SNAP91: variants seen among roughly 807,000 people sequenced by gnomAD.
The protein encoded by SNAP91 is clathrin coat assembly protein AP180.
Under a neutral mutation model 100.3 loss-of-function variants are expected in SNAP91, and 27 were observed. The observed-to-expected ratio is 0.27, with a 90% CI of 0.20 to 0.37. The LOEUF is 0.37. Ranked by LOEUF, SNAP91 falls within the 10% of genes least tolerant of loss-of-function variation. The pLI is 1.00. For synonymous variants in SNAP91, 404 were observed against 398.6 expected (o/e 1.01, Z -0.16); for missense variants, 986 against 1,123.7 (o/e 0.88, Z 1.75).
At chr6:83,615,259 GA>G (rs2096412821) in intron 10 of SNAP91, among the ~76,000 whole-genome samples, 1 of 152,178 alleles carries the variant, frequency 6.6e-6, no homozygotes, top group African/African-American at 2.4e-5. Context: ...AAAAACAAGG[GA>G]AGGGTGTGGC....
intron 3 of SNAP91, among the ~76,000 whole-genome samples, chr6:83,663,008 T>G (rs2098590142): frequency 1.3e-5 from 2 of 152,166 alleles, no homozygotes; most frequent in South Asian, 4.1e-4. Context: ...TTTTTCATTA[T>G]TATTATATCT....
chr6:83,644,972 A>G (rs2097857961), intron 7 of SNAP91, among the ~76,000 whole-genome samples: 1 of 152,156 alleles, frequency 6.6e-6, no homozygotes, highest in Admixed American at 6.6e-5. Flanking sequence ...AGCATCTGGG[A>G]GTGGTTCTAA....
At chr6:83,617,779 A>G (rs2096559271) in intron 9 of SNAP91, among the ~76,000 whole-genome samples, 1 of 151,848 alleles carries the variant, frequency 6.6e-6, no homozygotes, top group East Asian at 1.9e-4. Context: ...AAGGAGAAAT[A>G]ATAGGTTCAC....
At chr6:83,682,658 G>A (rs1258709541) in intron 2 of SNAP91, among the ~76,000 whole-genome samples, 3 of 151,652 alleles carry the variant, frequency 2.0e-5, no homozygotes, top group Admixed American at 6.6e-5. Context: ...ATGTATACAT[G>A]TGCCATGCTG....
At chr6:83,657,763 A>T (rs2098441734) in intron 6 of SNAP91, among the ~76,000 whole-genome samples, 1 of 102,952 alleles carries the variant, frequency 9.7e-6, no homozygotes, top group African/African-American at 3.7e-5. Context: ...CATGAATCAG[A>T]TTTCAGATTT....
At chr6:83,568,203 G>A (rs2127990810) in intron 26 of SNAP91, among the ~76,000 whole-genome samples, 1 of 152,212 alleles carries the variant, frequency 6.6e-6, no homozygotes, top group South Asian at 2.1e-4. Context: ...TAGGGACATG[G>A]ATGAAGCTGG....
In SNAP91 at chr6:83,594,458, C is replaced by T; in HGVS notation, c.1348G>A (p.Glu450Lys). 1 of 1,525,758 alleles carries T rather than the reference C, an allele frequency of 6.6e-7. No homozygotes were observed. The highest frequency in any genetic ancestry group is 1.3e-5 in the South Asian group (1 of 79,384). 94.5% of individuals were successfully genotyped at this position (1,525,758 alleles called of 1,614,324 possible). A position where few individuals can be genotyped will look rare whatever the true frequency, so the allele number is the denominator to read the frequency against. ...FGDAFAASPG[E>K]APAASEGAAA... ...GCCCCTTCGGATGCTGCAGGGGCCTCCCCAGGAGAAGCTGCAAAGGCATCT... is the reference window on the plus strand; with the variant it reads ...GCCCCTTCGGATGCTGCAGGGGCCTTCCCAGGAGAAGCTGCAAAGGCATCT... The change falls in exon 17 of 30, where the codon GAG becomes AAG. Residue 450 changes from glutamate (E) to lysine (K), a missense_variant. Physicochemically the swap from Glu to Lys is moderately conservative, Grantham distance 56. Transcript: ENST00000369694.
chr6:83,556,646 A>G (rs1185618352), intron 28 of SNAP91, among the ~76,000 whole-genome samples: 1 of 152,210 alleles, frequency 6.6e-6, no homozygotes, highest in Non-Finnish European at 1.5e-5. Flanking sequence ...CTAGTAACAT[A>G]AAGATATTAT....
chr6:83,687,354 G>T (rs2099073994), intron 2 of SNAP91, among the ~76,000 whole-genome samples: 2 of 151,946 alleles, frequency 1.3e-5, no homozygotes, highest in South Asian at 4.2e-4. Context: ...ATCCTACATG[G>T]GCCATATGTT....
intron 14 of SNAP91, 127 bp downstream of exon 14, chr6:83,605,558 C>T: frequency 7.9e-7 from 1 of 1,271,870 alleles, no homozygotes; most frequent in Non-Finnish European, 1.1e-6. Flanking sequence ...CCATTCTTAA[C>T]ATTTTCCCTC....
chr6:83,617,626 G>A (rs2128363929), intron 9 of SNAP91, among the ~76,000 whole-genome samples: 1 of 151,246 alleles, frequency 6.6e-6, no homozygotes, highest in East Asian at 1.9e-4. Context: ...GTATAATAAA[G>A]TAACTTTTAG....
At chr6:83,633,047 TG>T (rs2097274571) in intron 8 of SNAP91, among the ~76,000 whole-genome samples, 1 of 152,234 alleles carries the variant, frequency 6.6e-6, no homozygotes, top group Admixed American at 6.5e-5. Flanking sequence ...TGAAGGCTGT[TG>T]TTCAGATTCT....
chr6:83,691,060 T>C (rs1324516723), intron 2 of SNAP91, among the ~76,000 whole-genome samples: 1 of 152,080 alleles, frequency 6.6e-6, no homozygotes, highest in Admixed American at 6.6e-5. Flanking sequence ...CCTGGCTAAT[T>C]GTAGCAATTT....
intron 11 of SNAP91, 37 bp downstream of exon 11, chr6:83,614,820 T>C (rs1268072194): frequency 5.2e-6 from 8 of 1,525,116 alleles, no homozygotes; most frequent in Non-Finnish European, 7.1e-6. Flanking sequence ...TTTTAGTAAT[T>C]ACCAAATGCA....
chr6:83,616,483 T>C (rs1343245811), intron 10 of SNAP91, among the ~76,000 whole-genome samples: 1 of 152,170 alleles, frequency 6.6e-6, no homozygotes, highest in African/African-American at 2.4e-5. Context: ...AAAGGATCTA[T>C]GAATAAAATG....
chr6:83,634,860 A>G (rs1426355396), intron 8 of SNAP91, among the ~76,000 whole-genome samples: 1 of 152,114 alleles, frequency 6.6e-6, no homozygotes, highest in Non-Finnish European at 1.5e-5. Context: ...ATTTGTTTCA[A>G]AGAATGTTTT....
At chr6:83,632,234 T>G (rs2097237541) in intron 8 of SNAP91, among the ~76,000 whole-genome samples, 1 of 152,154 alleles carries the variant, frequency 6.6e-6, no homozygotes, top group African/African-American at 2.4e-5. Context: ...ATGTATAATT[T>G]AAAGGTATAG....
chr6:83,705,575 TG>T (rs1320459078), intron 2 of SNAP91, among the ~76,000 whole-genome samples: 3 of 151,950 alleles, frequency 2.0e-5, no homozygotes, highest in Admixed American at 1.3e-4. Context: ...GAGGCCAAGG[TG>T]GGCAGATAAC....
intron 7 of SNAP91, among the ~76,000 whole-genome samples, chr6:83,643,087 T>C (rs534074320): frequency 1.3e-5 from 2 of 152,348 alleles, no homozygotes; most frequent in East Asian, 3.9e-4. Flanking sequence ...TTCTGGATAT[T>C]AGCCCTTTGT....
Sources: gnomAD v4.1 joint callset for allele counts (sites outside exome capture counted in the v4.1 genomes callset) on GRCh38, gnomAD v4.1.1 for gene constraint, MANE v1.5 for transcripts, NCBI Gene and HGNC (gene_info 2026-07-23, HGNC 2026-07-21) for gene names.